Variants in LPIN3 observed in about 807,000 individuals in gnomAD.
LPIN3 encodes phosphatidate phosphatase LPIN3.
Under a neutral mutation model 94.7 loss-of-function variants are expected in LPIN3, and 82 were observed. The ratio of observed to expected loss-of-function variants is 0.87; its 90% CI spans 0.72 to 1.04. LPIN3 has a LOEUF of 1.04. Among genes scored for constraint, LPIN3 ranks in the 50% least tolerant of loss-of-function variants. The pLI, the probability that LPIN3 is intolerant of heterozygous loss-of-function variation, is 0.00. For synonymous variants in LPIN3, 418 were observed against 443.3 expected, an observed-to-expected ratio of 0.94 and a Z score of 0.72; for missense variants, 996 against 1,090.5, an observed-to-expected ratio of 0.91 and a Z score of 1.22.
intron 12 of LPIN3, 24 bp from the exon 13 acceptor site, chr20:41,354,796 C>G (rs759142852): frequency 3.2e-5 from 52 of 1,612,002 alleles, no homozygotes; most frequent in Non-Finnish European, 1.7e-6. Flanking sequence ...AGGTGGGATT[C>G]ACTAATGGAT....
intron 15 of LPIN3, 40 bp from the exon 16 acceptor site, chr20:41,357,321 G>A (rs1234923416): frequency 5.6e-6 from 9 of 1,606,842 alleles, no homozygotes; most frequent in South Asian, 1.1e-5. Flanking sequence ...GCTGGGCCAC[G>A]TGGAGCTGCC....
intron 7 of LPIN3, among the ~76,000 whole-genome samples, chr20:41,350,988 G>A (rs2045987829): frequency 6.6e-6 from 1 of 152,068 alleles, no homozygotes; most frequent in Non-Finnish European, 1.5e-5. Flanking sequence ...GCTCATGCCT[G>A]TAATCCCAGC....
chr20:41,352,721 GCTGGCAGCCGGAGAGTCATTT>G (rs1422694618), intron 10 of LPIN3, 22 bp downstream of exon 10: 2 of 1,612,554 alleles, frequency 1.2e-6, no homozygotes, highest in African/African-American at 2.7e-5. Flanking sequence ...AGCTGGGGCT[GCTGGCAGCCGGAGAGTCATTT>G]CCCTCTTCAC....
rs1282986535 is a variant in LPIN3, at chr20:41,352,214, T to A, written c.1357T>A (p.Ser453Thr). The A allele has an allele frequency of 1.2e-6, 2 of 1,613,978 alleles. No individual in the cohort carries two copies. Among genetic ancestry groups the A allele is most frequent in the Non-Finnish European group, 1.7e-6 (2 of 1,180,024 alleles). Residue 453 changes from serine (S) to threonine (T), a missense_variant, in exon 9 of 20, where the codon TCC (serine) becomes ACC (threonine). Coordinates refer to ENST00000373257, the MANE Select transcript of LPIN3 (RefSeq NM_022896.3). ...CGGLADSRDI[S>T]LEKFNQHSVS... ...TGGACTGGCTGACAGCCGGGACATC[T>A]CCCTAGGTATGTTCGACCATGGCCA...
intron 9 of LPIN3, 101 bp from the exon 10 acceptor site, chr20:41,352,505 C>A (rs1026047329): frequency 1.8e-6 from 2 of 1,092,276 alleles, no homozygotes; most frequent in Admixed American, 1.9e-5. Flanking sequence ...ACAAAGCCAA[C>A]CGACAGGAGG....
In LPIN3 at chr20:41,356,960, G is replaced by A. The variant is rs142913565; in HGVS notation, c.1804-80G>A. On this transcript the variant is annotated intron_variant, in intron 14 of 19. Coordinates refer to ENST00000373257, the MANE Select transcript of LPIN3 (RefSeq NM_022896.3). ...GGAGAATGAGAGGCCCGAGGGGATC[G>A]GAGGCCACGGCGTAAGGGGAGAGGT... 7.2e-4 allele frequency: 1,101 copies of A among 1,535,446 alleles called. 4 individuals carry two copies. The African/African-American group carries it at 0.012, about 17-fold the overall frequency.
chr20:41,354,446 T>G (rs993038538), intron 11 of LPIN3, among the ~76,000 whole-genome samples, 199 bp from the exon 12 acceptor site: 1 of 152,206 alleles, frequency 6.6e-6, no homozygotes, highest in South Asian at 2.1e-4. Flanking sequence ...CTTGGTCTTT[T>G]GAGTATAGCT....
intron 14 of LPIN3, among the ~76,000 whole-genome samples, chr20:41,356,827 G>A (rs1348852753): frequency 2.0e-5 from 3 of 152,164 alleles, no homozygotes; most frequent in African/African-American, 7.2e-5. Flanking sequence ...CCTGTGGCCT[G>A]CACTGGACAG....
At chr20:41,342,470 G>A (rs376879734) in intron 1 of LPIN3, among the ~76,000 whole-genome samples, 1 of 152,318 alleles carries the variant, frequency 6.6e-6, no homozygotes, top group East Asian at 1.9e-4. Flanking sequence ...CTGGGAAGGT[G>A]TGAGGAGTGA....
chr20:41,344,300 T>C (rs879480081), intron 1 of LPIN3, among the ~76,000 whole-genome samples: 3 of 152,234 alleles, frequency 2.0e-5, no homozygotes, highest in African/African-American at 4.8e-5. Context: ...GACCATGCTC[T>C]AGAGTCAGGA....
intron 9 of LPIN3, 88 bp downstream of exon 9, chr20:41,352,308 GT>G: frequency 1.4e-6 from 2 of 1,472,800 alleles, no homozygotes; most frequent in Non-Finnish European, 1.9e-6. Context: ...GGGTGGGGCA[GT>G]AGAGGTGAGA....
At chr20:41,358,700 G>T (rs1278445931) in intron 19 of LPIN3, 22 bp from the exon 20 acceptor site, 1 of 1,613,020 alleles carries the variant, frequency 6.2e-7, no homozygotes, top group South Asian at 1.1e-5. Flanking sequence ...CAGGCTCAGT[G>T]CTGGCCCCCT....
At chr20:41,354,586 G>A (rs1000867208) in intron 11 of LPIN3, 59 bp from the exon 12 acceptor site, 39 of 1,481,754 alleles carry the variant, frequency 2.6e-5, no homozygotes, top group Non-Finnish European at 2.8e-5. Context: ...CAAGAACAAC[G>A]TAAGGTAGGA....
chr20:41,357,531 A>G, intron 16 of LPIN3, 84 bp downstream of exon 16: 2 of 1,228,816 alleles, frequency 1.6e-6, no homozygotes, highest in South Asian at 1.3e-5. Context: ...CTTGGGGACC[A>G]GCAGGGCCCA....
In LPIN3 at chr20:41,360,433, C is replaced by T. The variant is rs965998174; in HGVS notation, c.*1567C>T. 7.2e-5 allele frequency: 11 copies of T among 152,496 alleles called. No homozygotes were observed. Among genetic ancestry groups the T allele is most frequent in the African/African-American group, 2.4e-4 (10 of 41,428 alleles). The allele number at this position is 152,496 out of a possible 1,614,324, so 9.4% of individuals were successfully genotyped here. The stretch of plus-strand genomic sequence containing the variant: ...TGTGGGCACCAGAGGGCCCTGGAAA[C>T]ATCTTAGGGGAAGGAAAGGAAAAGG... On this transcript the variant is annotated 3_prime_UTR_variant, in exon 20 of 20. Transcript: ENST00000373257.
In LPIN3 at chr20:41,341,010, C is replaced by G. The variant is rs1438003576; in HGVS notation, c.-9+8C>G. 1 of 152,308 alleles carries G rather than the reference C, an allele frequency of 6.6e-6. No homozygotes were observed. Among genetic ancestry groups the G allele is most frequent in the Non-Finnish European group, 1.5e-5 (1 of 68,146 alleles). 9.4% of individuals were successfully genotyped at this position (152,308 alleles called of 1,614,324 possible). A position where few individuals can be genotyped will look rare whatever the true frequency, so the allele number is the denominator to read the frequency against. On this transcript the variant is annotated splice_region_variant and intron_variant, in intron 1 of 19. Coordinates refer to ENST00000373257, the MANE Select transcript of LPIN3 (RefSeq NM_022896.3). The stretch of plus-strand genomic sequence containing the variant: ...CAGTGGGCAGCTCCCCAGGTAGGGC[C>G]CAACTCGGGGGGAGAAGAGATGACC...
At position 41,348,720 on chromosome 20, in the gene LPIN3, C is replaced by T; in HGVS notation, c.390C>T (p.Gly130=). ...TGGGCACTGCCAGTGAGCCTGAGGG[C>T]CTCGTCATGGCAGGCACGGCCTCCA... The part of the protein sequence containing the change: ...SQLGTASEPE[G]LVMAGTASTG... The change falls in exon 4 of 20, where the codon GGC becomes GGT. Residue 130 remains glycine, a synonymous_variant. Transcript: ENST00000373257. 6.2e-7 allele frequency: 1 copy of T among 1,613,918 alleles called. No individual in the cohort carries two copies. The highest frequency in any genetic ancestry group is 8.5e-7 in the Non-Finnish European group (1 of 1,179,948).
At chr20:41,348,914 C>A (rs765177354) in intron 4 of LPIN3, 27 bp downstream of exon 4, 3 of 1,593,748 alleles carry the variant, frequency 1.9e-6, no homozygotes, top group African/African-American at 2.7e-5. Context: ...GGACTTGAAC[C>A]CCAGTTTGGG....
chr20:41,354,664 A>G lies in LPIN3; in HGVS notation c.1547A>G (p.Glu516Gly). ...NLPKSTMDKL[E>G]REKMPRKGGR... ...CCACAGAGCACCATGGACAAGCTGG[A>G]GAGGGAGAAGATGCCCCGGAAGGGT... Residue 516 changes from glutamate to glycine, a missense_variant, in exon 12 of 20, where the codon GAG becomes GGG. By Grantham distance (98) the Glu-to-Gly change is moderately conservative. Transcript: ENST00000373257. The G allele has an allele frequency of 1.3e-6, 2 of 1,593,838 alleles. No individual in the cohort carries two copies. Among genetic ancestry groups the G allele is most frequent in the Non-Finnish European group, 1.7e-6 (2 of 1,168,522 alleles).
Sources: gnomAD v4.1 joint callset for allele counts (sites outside exome capture counted in the v4.1 genomes callset) on GRCh38, gnomAD v4.1.1 for gene constraint, MANE v1.5 for transcripts, NCBI Gene and HGNC (gene_info 2026-07-23, HGNC 2026-07-21) for gene names.